The following SBNO1 variants were observed in gnomAD, a reference collection of about 807,000 sequenced individuals.
SBNO1 encodes protein strawberry notch homolog 1.
A neutral mutation model predicts 173.6 loss-of-function variants in SBNO1; 23 were observed. The observed-to-expected ratio is 0.13, with a 90% CI of 0.10 to 0.19. SBNO1 has a LOEUF of 0.19. Among genes scored for constraint, SBNO1 ranks in the 10% least tolerant of loss-of-function variants. The pLI, the probability that SBNO1 is intolerant of heterozygous loss-of-function variation, is 1.00. For missense variants in SBNO1, 1,238 were observed against 1,671.2 expected, an observed-to-expected ratio of 0.74 and a Z score of 4.52; for synonymous variants, 632 against 571.5, an observed-to-expected ratio of 1.11 and a Z score of -1.51.
At chr12:123,344,826 G>T (rs1238759391) in intron 4 of SBNO1, among the ~76,000 whole-genome samples, 1 of 152,162 alleles carries the variant, frequency 6.6e-6, no homozygotes, top group East Asian at 1.9e-4. Context: ...TCCAGTCTGG[G>T]TGACAGACTG....
At chr12:123,306,618 C>G (rs11608305) in intron 28 of SBNO1, among the ~76,000 whole-genome samples, 80,375 of 151,878 alleles carry the variant, frequency 0.53, 25,397 homozygotes, top group East Asian at 0.7. Context: ...TTCAGGTGGA[C>G]AAGGTGAGAG....
At chr12:123,302,086 C>T (rs767788756) in intron 30 of SBNO1, among the ~76,000 whole-genome samples, 4 of 151,748 alleles carry the variant, frequency 2.6e-5, no homozygotes, top group Non-Finnish European at 4.4e-5. Flanking sequence ...TACAGGCATG[C>T]GCCACCACAC....
intron 16 of SBNO1, 62 bp downstream of exon 16, chr12:123,323,618 T>C: frequency 7.8e-7 from 1 of 1,284,528 alleles, no homozygotes; most frequent in Non-Finnish European, 1.1e-6. Context: ...CCTCCCAAAG[T>C]GCTGGGATTA....
At chr12:123,310,286 T>C (rs1450521653) in intron 25 of SBNO1, among the ~76,000 whole-genome samples, 1 of 152,266 alleles carries the variant, frequency 6.6e-6, no homozygotes, top group South Asian at 2.1e-4. Flanking sequence ...CAGGCTGGAG[T>C]GCAGTCATGC....
At chr12:123,333,998 CTG>C in intron 7 of SBNO1, 53 bp downstream of exon 7, 1 of 1,169,718 alleles carries the variant, frequency 8.5e-7, no homozygotes, top group Non-Finnish European at 1.2e-6. Flanking sequence ...TGAAACAACT[CTG>C]TTATATAGAA....
At chr12:123,339,650 G>A (rs1566046110) in intron 5 of SBNO1, among the ~76,000 whole-genome samples, 1 of 151,988 alleles carries the variant, frequency 6.6e-6, no homozygotes, top group Non-Finnish European at 1.5e-5. Context: ...AGCCAGGGCT[G>A]GTGGTGGGCA....
At chr12:123,297,400 C>CAAAAAAAAAAAAAAAA (rs59447456) in intron 31 of SBNO1, among the ~76,000 whole-genome samples, 1,200 of 31,424 alleles carry the variant, frequency 0.038, 303 homozygotes, top group Non-Finnish European at 0.058. Flanking sequence ...TACTGGTGTC[C>CAAAAAAAAAAAAAAAA]AAAAAAAAAA....
At chr12:123,327,361 C>G in intron 13 of SBNO1, 65 bp downstream of exon 13, 1 of 1,436,594 alleles carries the variant, frequency 7.0e-7, no homozygotes, top group Non-Finnish European at 9.6e-7. Flanking sequence ...TCGCAATCGC[C>G]AAAACTAACA....
At chr12:123,315,230 C>T in intron 23 of SBNO1, 143 bp downstream of exon 23, 1 of 628,220 alleles carries the variant, frequency 1.6e-6, no homozygotes, top group Non-Finnish European at 2.8e-6. Context: ...ATGTGAAATT[C>T]TGTCTTATAG....
chr12:123,319,875 T>C, intron 20 of SBNO1, 25 bp downstream of exon 20: 1 of 1,609,538 alleles, frequency 6.2e-7, no homozygotes. Context: ...TTCTTTTCAC[T>C]GAGAAGCATC....
At chr12:123,320,287 A>G in intron 19 of SBNO1, 145 bp downstream of exon 19, 1 of 838,390 alleles carries the variant, frequency 1.2e-6, no homozygotes, top group Non-Finnish European at 1.8e-6. Flanking sequence ...GCAGCAGTTC[A>G]TTGGATGTAG....
At chr12:123,309,604 A>T in intron 26 of SBNO1, 21 bp from the exon 27 acceptor site, 1 of 1,606,766 alleles carries the variant, frequency 6.2e-7, no homozygotes, top group Non-Finnish European at 8.5e-7. Context: ...AAAAAGAAAC[A>T]TGTAAATGTA....
Position 123,362,435 on chromosome 12 carries a change from C to CAAA in SBNO1, c.-1+2263_-1+2265dup, listed in dbSNP as rs56019572. Among the ~76,000 whole-genome samples the CAAA allele has an allele frequency of 6.6e-4, 33 of 49,738 alleles. 1 individual carries two copies. The East Asian group carries it at 0.013, about 19-fold the overall frequency. The allele number at this position is 49,738 out of a possible 152,430, so 32.6% of individuals were successfully genotyped here. ...TGGGCCACTGAGCGAGACTCCGTCT[C>CAAA]AAAAAAAAAAAAAAAAAAAAAAAAA... On this transcript the variant is annotated intron_variant, in intron 1 of 31. Transcript: ENST00000602398.
intron 3 of SBNO1, among the ~76,000 whole-genome samples, chr12:123,347,527 CTTTT>C (rs1385653597): frequency 7.0e-6 from 1 of 143,862 alleles, no homozygotes; most frequent in East Asian, 2.1e-4. Context: ...TGCCTGGCCT[CTTTT>C]TTTATGTTTT....
At chr12:123,333,245 G>A (rs1264321911) in intron 7 of SBNO1, among the ~76,000 whole-genome samples, 1 of 151,954 alleles carries the variant, frequency 6.6e-6, no homozygotes, top group Non-Finnish European at 1.5e-5. Context: ...TTATTTTACA[G>A]ATATGGAATA....
At position 123,341,208 on chromosome 12, in the gene SBNO1, T is replaced by G. The variant is rs546030220; in HGVS notation, c.551-120A>C. 213 of 589,926 alleles carry G rather than the reference T, an allele frequency of 3.6e-4. 2 individuals are homozygous for G. The highest frequency in any genetic ancestry group is 3.1e-3 in the African/African-American group (160 of 51,836). 36.5% of individuals were successfully genotyped at this position (589,926 alleles called of 1,614,324 possible). A position where few individuals can be genotyped will look rare whatever the true frequency, so the allele number is the denominator to read the frequency against. On this transcript the variant is annotated intron_variant, in intron 4 of 31. Transcript: ENST00000602398. ...CTCACACCTGTAATCCCAGCATTTT[T>G]GGGACACCAAGGCGGGTGAATTACA... is the stretch of plus-strand genomic sequence containing the variant.
At position 123,320,582 on chromosome 12, in the gene SBNO1, A is replaced by T; in HGVS notation, c.2517T>A (p.Ser839Arg). 1 of 1,613,784 alleles carries T rather than the reference A, an allele frequency of 6.2e-7. No individual in the cohort carries two copies. Among genetic ancestry groups the T allele is most frequent in the Non-Finnish European group, 8.5e-7 (1 of 1,179,846 alleles). ...CAGCATCCTGACTTGTTATAAGGCT[A>T]CTGTTACTGTTGGTGTTACTGTTAG... is the stretch of plus-strand genomic sequence containing the variant. ...TPANSNTNSN[S>R]SLITSQDAVE... The change falls in exon 19 of 32, where the codon AGT becomes AGA. Residue 839 changes from serine (S) to arginine (R), a missense_variant. Around this residue, in one of 14 missense-constraint regions of SBNO1, gnomAD observed 74 missense variants for 68.5 expected, o/e 1.08. Transcript: ENST00000602398.
intron 5 of SBNO1, among the ~76,000 whole-genome samples, chr12:123,338,422 C>T (rs558663302): frequency 6.6e-6 from 1 of 152,238 alleles, no homozygotes; most frequent in African/African-American, 2.4e-5. Flanking sequence ...GTGGCTCACG[C>T]CTGAAATCCC....
chr12:123,300,237 T>G (rs1166019656), intron 30 of SBNO1, among the ~76,000 whole-genome samples: 9 of 152,214 alleles, frequency 5.9e-5, no homozygotes. Flanking sequence ...TTAAGTTAAT[T>G]TTTTGTAGAG....
Sources: allele counts gnomAD v4.1 joint callset (sites outside exome capture counted in the v4.1 genomes callset), GRCh38; gene constraint gnomAD v4.1.1; regional missense constraint gnomAD v4.1.1; transcripts MANE v1.5; gene names NCBI Gene and HGNC (gene_info 2026-07-23, HGNC 2026-07-21).